The following WDR7 variants were observed in gnomAD, a reference collection of about 807,000 sequenced individuals.
WDR7 encodes WD repeat-containing protein 7.
In WDR7, 46 loss-of-function variants were observed where a neutral mutation model predicts 169.4. The ratio of observed to expected loss-of-function variants is 0.27; its 90% CI spans 0.21 to 0.35. The LOEUF (loss-of-function observed/expected upper bound fraction) is 0.35. WDR7 is among the 10% of genes least tolerant of loss of function. WDR7 has a pLI of 1.00. For missense variants in WDR7, 1,534 were observed against 1,859.3 expected (o/e 0.83, Z 3.22); for synonymous variants, 612 against 666.8 (o/e 0.92, Z 1.27).
At chr18:56,973,495 G>GT (rs2047521943) in intron 26 of WDR7, among the ~76,000 whole-genome samples, 2 of 151,590 alleles carry the variant, frequency 1.3e-5, no homozygotes, top group Admixed American at 1.3e-4. Flanking sequence ...ATTGTGTGTG[G>GT]GGGGGGTGTA....
At chr18:56,864,585 C>G (rs2045855222) in intron 20 of WDR7, among the ~76,000 whole-genome samples, 1 of 151,700 alleles carries the variant, frequency 6.6e-6, no homozygotes, top group African/African-American at 2.4e-5. Context: ...GATCTAATAA[C>G]ATTACTAAAT....
Position 56,695,043 on chromosome 18 carries a change from C to G in WDR7, c.1202C>G (p.Pro401Arg). The G allele has an allele frequency of 4.3e-6, 7 of 1,614,054 alleles. No homozygotes were observed. The highest frequency in any genetic ancestry group is 1.7e-5 in the Admixed American group (1 of 59,998). Residue 401 changes from proline (P) to arginine (R), a missense_variant, in exon 11 of 28, where the codon CCC becomes CGC. By Grantham distance (103) the Pro-to-Arg change is moderately radical. Transcript: ENST00000254442. ...ATTATAGATCAGCTGAGTGTGATTC[C>G]CAATAGTAATGAACCTCTTAAAGTA... Reference protein sequence around the residue: ...AGIIDQLSVIPNSNEPLKVTA... With the variant: ...AGIIDQLSVIRNSNEPLKVTA...
At chr18:56,885,987 T>G (rs888976109) in intron 21 of WDR7, among the ~76,000 whole-genome samples, 4 of 152,204 alleles carry the variant, frequency 2.6e-5, no homozygotes, top group Admixed American at 6.5e-5. Context: ...AAATGACCTC[T>G]CCTGTTTAAA....
chr18:56,731,455 C>T lies in WDR7; in HGVS notation c.1847C>T (p.Ala616Val). 1 of 1,614,192 alleles carries T rather than the reference C, an allele frequency of 6.2e-7. No individual in the cohort carries two copies. The highest frequency in any genetic ancestry group is 1.1e-5 in the South Asian group (1 of 91,084). The change falls in exon 14 of 28, where the codon GCT becomes GTT. Residue 616 changes from alanine to valine, a missense_variant. Coordinates refer to ENST00000254442, the MANE Select transcript of WDR7 (RefSeq NM_015285.3). ...ILNACDEAVP[A>V]AVDSLSHPAV... is the part of the protein sequence containing the mutation. Reference sequence around the variant, plus strand: ...AACGCTTGTGATGAAGCTGTTCCTGCTGCTGTTGATTCACTTAGTCATCCA... The same window carrying T: ...AACGCTTGTGATGAAGCTGTTCCTGTTGCTGTTGATTCACTTAGTCATCCA...
intron 1 of WDR7, among the ~76,000 whole-genome samples, chr18:56,663,401 A>C (rs895392735): frequency 6.6e-6 from 1 of 152,216 alleles, no homozygotes; most frequent in African/African-American, 2.4e-5. Context: ...TGTAGATGCT[A>C]TTAGAGAATG....
intron 22 of WDR7, among the ~76,000 whole-genome samples, chr18:56,930,074 G>C (rs113021004): frequency 9.4e-4 from 143 of 152,246 alleles, no homozygotes; most frequent in African/African-American, 3.3e-3. Flanking sequence ...TGAAGGGGCC[G>C]GGCGAGCATC....
chr18:56,757,118 G>C lies in WDR7; in HGVS notation c.2525G>C (p.Gly842Ala). Residue 842 changes from glycine to alanine, a missense_variant, in exon 15 of 28, where the codon GGC (glycine) becomes GCC (alanine). Physicochemically the swap from Gly to Ala is moderately conservative, Grantham distance 60 (BLOSUM62 0). Coordinates refer to ENST00000254442, the MANE Select transcript of WDR7 (RefSeq NM_015285.3). The stretch of plus-strand genomic sequence containing the variant: ...TCGTTTGGCCTCTTGTCAAGAGGAG[G>C]CCATATGTCACTGATGCTGCCGGGT... The part of the protein sequence containing the change: ...TVSFGLLSRG[G>A]HMSLMLPGYN... 6.2e-7 allele frequency: 1 copy of C among 1,614,120 alleles called. No individual in the cohort carries two copies. Among genetic ancestry groups the C allele is most frequent in the Non-Finnish European group, 8.5e-7 (1 of 1,180,006 alleles).
At chr18:56,969,031 A>G (rs1371104535) in intron 26 of WDR7, among the ~76,000 whole-genome samples, 2 of 152,194 alleles carry the variant, frequency 1.3e-5, no homozygotes. Flanking sequence ...AAGACAAATC[A>G]GGTCTCCAGC....
chr18:56,715,291 A>C (rs1446100294), intron 12 of WDR7, among the ~76,000 whole-genome samples: 1 of 152,170 alleles, frequency 6.6e-6, no homozygotes, highest in Non-Finnish European at 1.5e-5. Flanking sequence ...AGATGTTGAG[A>C]TCTCCAGTAG....
At chr18:56,672,765 A>C in intron 2 of WDR7, 91 bp downstream of exon 2, 1 of 1,249,184 alleles carries the variant, frequency 8.0e-7, no homozygotes, top group Non-Finnish European at 1.0e-6. Context: ...TTTTGGGCCC[A>C]CAGTAGATTT....
chr18:56,691,377 T>C lies in WDR7; in HGVS notation c.863+16T>C. 6.3e-7 allele frequency: 1 copy of C among 1,576,870 alleles called. No individual in the cohort carries two copies. The highest frequency in any genetic ancestry group is 8.5e-7 in the Non-Finnish European group (1 of 1,170,176). ...TACCTGCCAGGTATGCAGCAAGTAA[T>C]AAATTAGGACAGTCATCAAAAGTAA... On this transcript the variant is annotated intron_variant, in intron 8 of 27. Transcript: ENST00000254442.
At chr18:56,947,308 T>A (rs1289629046) in intron 25 of WDR7, among the ~76,000 whole-genome samples, 3 of 152,204 alleles carry the variant, frequency 2.0e-5, no homozygotes, top group Non-Finnish European at 4.4e-5. Flanking sequence ...GTTGGTTCTT[T>A]CCCAGCTGGG....
At chr18:56,984,100 GA>G (rs1031522437) in intron 26 of WDR7, among the ~76,000 whole-genome samples, 6 of 151,444 alleles carry the variant, frequency 4.0e-5, no homozygotes, top group African/African-American at 1.5e-4. Context: ...TGAAAAATAA[GA>G]AATAAACCTT....
rs1364464601 is a variant in WDR7 at position 56,944,486 on chromosome 18, ACATT to A, written c.4064+5096_4064+5099del. Among the ~76,000 whole-genome samples, 9 of 152,374 alleles carry A rather than the reference ACATT, an allele frequency of 5.9e-5. No individual in the cohort carries two copies. In the East Asian group the frequency reaches 7.7e-4, roughly 13 times the overall value. ...CTTAATATATAATTTAATGAGTGGT[ACATT>A]CAGTCACCAAATTACAATGTTAACT... On this transcript the variant is annotated intron_variant, in intron 25 of 27. Coordinates refer to ENST00000254442, the MANE Select transcript of WDR7 (RefSeq NM_015285.3).
At chr18:56,807,198 T>A (rs1432149129) in intron 19 of WDR7, among the ~76,000 whole-genome samples, 2 of 151,754 alleles carry the variant, frequency 1.3e-5, no homozygotes, top group South Asian at 4.2e-4. Context: ...TACCTTCTTA[T>A]CTAAAAGAAC....
intron 26 of WDR7, among the ~76,000 whole-genome samples, chr18:56,971,153 T>A (rs988416848): frequency 1.3e-5 from 2 of 151,880 alleles, no homozygotes; most frequent in African/African-American, 4.8e-5. Context: ...GTGCCTGTAA[T>A]CCCAGCTACT....
In WDR7 at chr18:56,889,093, A is replaced by T. The variant is rs78702258; in HGVS notation, c.3526+8928A>T. Among the ~76,000 whole-genome samples, 1,080 of 152,254 alleles carry T rather than the reference A, an allele frequency of 7.1e-3. 15 individuals are homozygous for T. Among genetic ancestry groups the T allele is most frequent in the Middle Eastern group, 0.024 (7 of 294 alleles). On this transcript the variant is annotated intron_variant, in intron 21 of 27. Coordinates refer to ENST00000254442, the MANE Select transcript of WDR7 (RefSeq NM_015285.3). ...AACTTTGGATAAGGCAGCTTTCCTT[A>T]TCCTAGGGCAAAGCCCACAGAGGGA...
intron 13 of WDR7, among the ~76,000 whole-genome samples, chr18:56,725,496 G>C (rs1314965573): frequency 6.6e-6 from 1 of 151,958 alleles, no homozygotes; most frequent in African/African-American, 2.4e-5. Flanking sequence ...TTTTTGATGG[G>C]GTTGTTTGTT....
At chr18:56,725,496 G>T (rs1314965573) in intron 13 of WDR7, among the ~76,000 whole-genome samples, 1 of 151,958 alleles carries the variant, frequency 6.6e-6, no homozygotes, top group Non-Finnish European at 1.5e-5. Flanking sequence ...TTTTTGATGG[G>T]GTTGTTTGTT....
Sources: gnomAD v4.1 joint callset for allele counts (sites outside exome capture counted in the v4.1 genomes callset) on GRCh38, gnomAD v4.1.1 for gene constraint, MANE v1.5 for transcripts, NCBI Gene and HGNC (gene_info 2026-07-23, HGNC 2026-07-21) for gene names.